Variants in IFT122 observed in about 807,000 individuals in gnomAD.
The protein encoded by IFT122 is intraflagellar transport 122.
IFT122 carries 118 observed loss-of-function variants against 161.6 expected under a neutral mutation model. The observed-to-expected ratio is 0.73, with a 90% CI of 0.63 to 0.85. IFT122 has a LOEUF of 0.85. Ranked by LOEUF, IFT122 falls within the 40% of genes least tolerant of loss-of-function variation. IFT122 has a pLI of 0.00. For missense variants in IFT122, 1,381 were observed against 1,579.6 expected (o/e 0.87, Z 2.13); for synonymous variants, 550 against 602.4 (o/e 0.91, Z 1.27).
chr3:129,495,663 C>T (rs1239068439), intron 18 of IFT122, 56 bp downstream of exon 18: 25 of 1,589,412 alleles, frequency 1.6e-5, no homozygotes, highest in East Asian at 4.5e-5. Flanking sequence ...GGTATTCTCA[C>T]GTGCGGTGTC....
intron 9 of IFT122, among the ~76,000 whole-genome samples, chr3:129,473,190 A>G (rs1373176697): frequency 6.6e-6 from 1 of 152,014 alleles, no homozygotes; most frequent in East Asian, 1.9e-4. Flanking sequence ...TGTCCTAACA[A>G]CTCTGTAGGC....
At chr3:129,497,390 G>C (rs532707536) in intron 18 of IFT122, among the ~76,000 whole-genome samples, 18 of 152,348 alleles carry the variant, frequency 1.2e-4, no homozygotes, top group African/African-American at 3.1e-4. Flanking sequence ...TTCTCAGATG[G>C]TAATAGCGAC....
intron 23 of IFT122, among the ~76,000 whole-genome samples, chr3:129,510,583 A>G (rs1370250972): frequency 2.6e-5 from 4 of 151,826 alleles, no homozygotes; most frequent in Non-Finnish European, 5.9e-5. Flanking sequence ...TGCCCAAGCC[A>G]CTCCAGAGCC....
chr3:129,517,571 G>A lies in IFT122; in HGVS notation c.3368G>A (p.Arg1123Lys). 3 of 1,613,776 alleles carry A rather than the reference G, an allele frequency of 1.9e-6. No homozygotes were observed. The highest frequency in any genetic ancestry group is 2.5e-6 in the Non-Finnish European group (3 of 1,179,778). ...LEVLRPKRDD[R>K]QLEIANNSSQ... ...GTGCTGAGACCCAAGCGGGATGACAGACAGCTAGAGATTGCAAACAACAGT... is the reference window on the plus strand; with the variant it reads ...GTGCTGAGACCCAAGCGGGATGACAAACAGCTAGAGATTGCAAACAACAGT... Residue 1123 changes from arginine (R) to lysine (K), a missense_variant, in exon 27 of 30, where the codon AGA becomes AAA. Around this residue, in one of 7 missense-constraint regions of IFT122, gnomAD observed 177 missense variants for 199.2 expected, o/e 0.89. Transcript: ENST00000348417.
At chr3:129,455,257 C>T (rs1577283145) in intron 3 of IFT122, among the ~76,000 whole-genome samples, 3 of 151,982 alleles carry the variant, frequency 2.0e-5, no homozygotes, top group South Asian at 2.1e-4. Flanking sequence ...ATGGCAACCT[C>T]TGACTCCCTG....
intron 8 of IFT122, among the ~76,000 whole-genome samples, chr3:129,468,723 C>T (rs2077059010): frequency 6.6e-6 from 1 of 152,240 alleles, no homozygotes; most frequent in African/African-American, 2.4e-5. Flanking sequence ...GCTGGTCCTA[C>T]AGTCCCAGCC....
chr3:129,450,472 C>A (rs951977679), intron 2 of IFT122, among the ~76,000 whole-genome samples: 9 of 152,192 alleles, frequency 5.9e-5, no homozygotes, highest in African/African-American at 2.2e-4. Flanking sequence ...TTTGTATGAT[C>A]TCTCTTTCTG....
Position 129,495,459 on chromosome 3 carries a change from G to C in IFT122, c.2060G>C (p.Arg687Pro). Reference sequence around the variant, plus strand: ...TAATTTTTCCAGGAGAGGAAGAAGCGGGGAGAGACCAACAATGACCTGTTT... The same window carrying C: ...TAATTTTTCCAGGAGAGGAAGAAGCCGGGAGAGACCAACAATGACCTGTTT... The part of the protein sequence containing the change: ...LISSIEERKK[R>P]GETNNDLFLA... The change falls in exon 18 of 30, where the codon CGG (arginine) becomes CCG (proline). Residue 687 changes from arginine to proline, a missense_variant. Transcript: ENST00000348417. 1.9e-6 allele frequency: 3 copies of C among 1,613,780 alleles called. No individual in the cohort carries two copies. The highest frequency in any genetic ancestry group is 2.5e-6 in the Non-Finnish European group (3 of 1,179,772).
rs1332267173 is a variant in IFT122 at position 129,476,279 on chromosome 3, A to G, written c.817-36A>G. 5 of 1,612,150 alleles carry G rather than the reference A, an allele frequency of 3.1e-6. No individual in the cohort carries two copies. The African/African-American group carries it at 6.7e-5, about 22-fold the overall frequency. On this transcript the variant is annotated intron_variant, in intron 9 of 29. Coordinates refer to ENST00000348417, the MANE Select transcript of IFT122 (RefSeq NM_052989.3). ...TATTGCAATGGTTATGGATTCGGAA[A>G]TGGTTTTTCCCTTGCTGTGTGTTCT...
At chr3:129,516,657 CACAG>C (rs2083760482) in intron 26 of IFT122, among the ~76,000 whole-genome samples, 1 of 141,892 alleles carries the variant, frequency 7.0e-6, no homozygotes. Flanking sequence ...TACACACACA[CACAG>C]AAACTGCCCC....
intron 4 of IFT122, chr3:129,459,242 C>A: frequency 2.2e-6 from 1 of 450,740 alleles, no homozygotes. Context: ...CAGTATTGCT[C>A]ATCGGCCTGT....
intron 4 of IFT122, among the ~76,000 whole-genome samples, chr3:129,459,712 C>A (rs2076000933): frequency 9.8e-6 from 1 of 102,462 alleles, no homozygotes; most frequent in Non-Finnish European, 1.8e-5. Context: ...TTCCTTCCTT[C>A]CTTCCTTCCT....
chr3:129,492,663 C>T (rs1239193098), intron 17 of IFT122, among the ~76,000 whole-genome samples: 4 of 152,064 alleles, frequency 2.6e-5, no homozygotes, highest in East Asian at 1.9e-4. Flanking sequence ...CTGAACTGAG[C>T]GCCCCAGAGT....
In IFT122 at chr3:129,479,839, ATGG is replaced by A; in HGVS notation, c.1406_1408del (p.Met469_Glu470delinsLys). On this transcript the variant is annotated inframe_deletion, in exon 13 of 30. Coordinates refer to ENST00000348417, the MANE Select transcript of IFT122 (RefSeq NM_052989.3). ...CGGAGTGAAGGAGCGGGAGTGGCAGATGGAGTCTCTCATTCGTTACATCAAGGT... is the reference window on the plus strand; with the variant it reads ...CGGAGTGAAGGAGCGGGAGTGGCAGAAGTCTCTCATTCGTTACATCAAGGT... 5.6e-6 allele frequency: 9 copies of A among 1,613,978 alleles called. No individual in the cohort carries two copies. The highest frequency in any genetic ancestry group is 7.6e-6 in the Non-Finnish European group (9 of 1,179,986).
At chr3:129,459,630 T>C (rs1577342259) in intron 4 of IFT122, among the ~76,000 whole-genome samples, 1 of 146,206 alleles carries the variant, frequency 6.8e-6, no homozygotes, top group African/African-American at 2.6e-5. Flanking sequence ...CCTTCCTTCC[T>C]TCCTTCCCTC....
chr3:129,503,990 A>G, intron 20 of IFT122: 1 of 368,020 alleles, frequency 2.7e-6, no homozygotes, highest in South Asian at 2.2e-5. Flanking sequence ...GTCGCCCGCA[A>G]TTAAAAGAAA....
At chr3:129,491,910 G>C (rs2080151794) in intron 16 of IFT122, among the ~76,000 whole-genome samples, 1 of 152,188 alleles carries the variant, frequency 6.6e-6, no homozygotes, top group Admixed American at 6.5e-5. Context: ...CAAAATGACT[G>C]ATGCAACTGG....
At chr3:129,450,087 G>A (rs549011125) in intron 2 of IFT122, 150 bp downstream of exon 2, 8 of 667,760 alleles carry the variant, frequency 1.2e-5, no homozygotes, top group African/African-American at 7.3e-5. Context: ...GGATGGAAAT[G>A]GGCTATTTAA....
Position 129,516,122 on chromosome 3 carries a change from T to C in IFT122, c.3265+523T>C, listed in dbSNP as rs1161110771. On this transcript the variant is annotated intron_variant, in intron 26 of 29. Transcript: ENST00000348417. ...TGCACACACACACACAGACTGCCCCTGCACACACAGAGACTGCCCCTGCAC... is the reference window on the plus strand; with the variant it reads ...TGCACACACACACACAGACTGCCCCCGCACACACAGAGACTGCCCCTGCAC... Among the ~76,000 whole-genome samples, 10 of 111,568 alleles carry C rather than the reference T, an allele frequency of 9.0e-5. No individual in the cohort carries two copies. The East Asian group carries it at 1.3e-3, about 14-fold the overall frequency. 73.2% of individuals were successfully genotyped at this position (111,568 alleles called of 152,430 possible). A position where few individuals can be genotyped will look rare whatever the true frequency, so the allele number is the denominator to read the frequency against.
Sources: allele counts gnomAD v4.1 joint callset (sites outside exome capture counted in the v4.1 genomes callset), GRCh38; gene constraint gnomAD v4.1.1; regional missense constraint gnomAD v4.1.1; transcripts MANE v1.5; gene names NCBI Gene and HGNC (gene_info 2026-07-23, HGNC 2026-07-21).